Variants in PKHD1 observed in about 807,000 individuals in gnomAD.
PKHD1 encodes fibrocystin.
In PKHD1, 291 loss-of-function variants were observed where a neutral mutation model predicts 412.0. The ratio of observed to expected loss-of-function variants is 0.71; its 90% confidence interval spans 0.64 to 0.78. The LOEUF is 0.78. Among genes scored for constraint, PKHD1 ranks in the 30% least tolerant of loss-of-function variants. The probability of loss-of-function intolerance (pLI) is 0.00; values close to 1 mark genes in which losing one functional copy is unlikely to be tolerated. For missense variants in PKHD1, 4,825 were observed against 4,950.7 expected (o/e 0.97, Z 0.76); for synonymous variants, 1,777 against 1,821.5 (o/e 0.98, Z 0.62).
intron 43 of PKHD1, among the ~76,000 whole-genome samples, chr6:51,895,691 G>A (rs558804515): frequency 2.6e-3 from 400 of 152,178 alleles, no homozygotes; most frequent in Non-Finnish European, 4.7e-3. Context: ...GAACAGCTCC[G>A]GTCTACAGCT....
At chr6:52,032,878 T>C (rs569963080) in intron 29 of PKHD1, 152 bp downstream of exon 29, 3 of 710,484 alleles carry the variant, frequency 4.2e-6, no homozygotes, top group Admixed American at 4.1e-5. Context: ...AGGAGATTGA[T>C]TCGATGATGG....
chr6:52,052,181 A>G (rs1806960229), intron 21 of PKHD1, among the ~76,000 whole-genome samples: 1 of 152,246 alleles, frequency 6.6e-6, no homozygotes, highest in South Asian at 2.1e-4. Flanking sequence ...AACTATAAAA[A>G]GTAGGCTAGC....
chr6:51,632,650 G>A lies in PKHD1; in HGVS notation c.11580C>T (p.Ile3860=), dbSNP rs1198972125. 2 of 1,613,444 alleles carry A rather than the reference G, an allele frequency of 1.2e-6. No individual in the cohort carries two copies. The highest frequency in any genetic ancestry group is 2.2e-5 in the South Asian group (2 of 91,066). Residue 3860 remains isoleucine (I), a synonymous_variant, in exon 65 of 67, where the codon ATC becomes ATT. Transcript: ENST00000371117. ...CCACAGAGGACAGGGAAGCAGCCAG[G>A]ATGATGGTCGACTTCTCCTTCCTAG... ...PVTRKEKSTI[I]LAASLSSVAS...
intron 51 of PKHD1, among the ~76,000 whole-genome samples, chr6:51,831,480 A>G (rs1337809398): frequency 1.3e-5 from 2 of 152,196 alleles, no homozygotes; most frequent in Non-Finnish European, 2.9e-5. Context: ...ACATAATTTT[A>G]GTGGCTACAT....
intron 60 of PKHD1, among the ~76,000 whole-genome samples, chr6:51,666,748 T>C (rs1217278533): frequency 2.1e-5 from 3 of 141,312 alleles, no homozygotes; most frequent in Admixed American, 7.8e-5. Flanking sequence ...CCTGTGTCCA[T>C]GTGTTCTCAT....
intron 61 of PKHD1, among the ~76,000 whole-genome samples, chr6:51,650,116 T>C (rs1181885310): frequency 6.6e-6 from 1 of 152,180 alleles, no homozygotes; most frequent in East Asian, 1.9e-4. Flanking sequence ...ATGACCTATA[T>C]TACTTCTTAG....
At chr6:51,991,643 G>A (rs1158750718) in intron 35 of PKHD1, among the ~76,000 whole-genome samples, 1 of 152,106 alleles carries the variant, frequency 6.6e-6, no homozygotes, top group Non-Finnish European at 1.5e-5. Flanking sequence ...CCTTAAATAG[G>A]CTAATTGTGA....
intron 35 of PKHD1, among the ~76,000 whole-genome samples, chr6:52,000,752 T>C (rs1321337829): frequency 6.6e-6 from 1 of 152,162 alleles, no homozygotes; most frequent in African/African-American, 2.4e-5. Context: ...TTTAAACACA[T>C]TGTAAAGAAA....
intron 50 of PKHD1, among the ~76,000 whole-genome samples, chr6:51,842,867 G>A (rs769369016): frequency 2.6e-5 from 4 of 152,168 alleles, no homozygotes; most frequent in Non-Finnish European, 5.9e-5. Context: ...CAAGAGGTGG[G>A]GGAAACCCAC....
Position 51,833,668 on chromosome 6 carries a change from CT to C in PKHD1, c.8174-2680del, listed in dbSNP as rs373020003. Among the ~76,000 whole-genome samples the C allele has an allele frequency of 9.7e-4, 147 of 152,204 alleles. 3 individuals carry two copies. The highest frequency in any genetic ancestry group is 3.1e-3 in the African/African-American group (130 of 41,546). ...TGGTAAGAGAGAGAATTAGAAGTCA[CT>C]GTTAAACTTAGCAATCAAGGCATGG... On this transcript the variant is annotated intron_variant, in intron 51 of 66. Transcript: ENST00000371117.
rs1028714707 is a variant in PKHD1, at chr6:51,878,886, T to A, written c.7350+4207A>T. Among the ~76,000 whole-genome samples, 2 of 63,656 alleles carry A rather than the reference T, an allele frequency of 3.1e-5. 1 individual carries two copies. The highest frequency in any genetic ancestry group is 1.7e-4 in the African/African-American group (2 of 12,044). 41.8% of individuals were successfully genotyped at this position (63,656 alleles called of 152,430 possible). A position where few individuals can be genotyped will look rare whatever the true frequency, so the allele number is the denominator to read the frequency against. ...AACCCCATCGTCTCAGCCCAAAATC[T>A]CCTTAAGCTGATAAGCAACTTCAGC... is the stretch of plus-strand genomic sequence containing the variant. On this transcript the variant is annotated intron_variant, in intron 46 of 66. Transcript: ENST00000371117.
Position 52,073,598 on chromosome 6 carries a change from T to TA in PKHD1, c.449-58dup, listed in dbSNP as rs543606314. On this transcript the variant is annotated intron_variant, in intron 6 of 66. Transcript: ENST00000371117. ...GACTTAGCTCAAACTCAATGTATAA[T>TA]AAAAAACCATGTTTCTTTTTGGTTG... The TA allele has an allele frequency of 7.5e-4, 747 of 1,002,138 alleles. 6 individuals carry two copies. In the African/African-American group the frequency reaches 9.9e-3, roughly 13 times the overall value. The allele number at this position is 1,002,138 out of a possible 1,614,324, so 62.1% of individuals were successfully genotyped here.
At chr6:51,883,031 G>C (rs1450592858) in intron 46 of PKHD1, 62 bp downstream of exon 46, 3 of 1,291,060 alleles carry the variant, frequency 2.3e-6, no homozygotes, top group Non-Finnish European at 3.4e-6. Context: ...ATCATCAGGG[G>C]GCCCAGCACA....
chr6:52,048,194 CT>C (rs763174148), intron 23 of PKHD1, among the ~76,000 whole-genome samples: 1 of 152,164 alleles, frequency 6.6e-6, no homozygotes, highest in Non-Finnish European at 1.5e-5. Context: ...TCATTTTTTG[CT>C]GTTTGAAGCC....
chr6:51,771,350 G>A (rs184979097), intron 55 of PKHD1, among the ~76,000 whole-genome samples: 1 of 152,134 alleles, frequency 6.6e-6, no homozygotes, highest in Admixed American at 6.5e-5. Flanking sequence ...GGCCAGGCAC[G>A]GTGGCTCATG....
chr6:51,822,594 A>G (rs1412619001), intron 52 of PKHD1, among the ~76,000 whole-genome samples: 1 of 152,172 alleles, frequency 6.6e-6, no homozygotes, highest in Non-Finnish European at 1.5e-5. Context: ...TCCTTAGTCA[A>G]TTCTTCTGAG....
chr6:52,066,084 G>T lies in PKHD1; in HGVS notation c.779-7C>A. 42 of 1,187,992 alleles carry T rather than the reference G, an allele frequency of 3.5e-5. No individual in the cohort carries two copies. The highest frequency in any genetic ancestry group is 4.5e-5 in the Non-Finnish European group (38 of 844,068). The allele number at this position is 1,187,992 out of a possible 1,614,324, so 73.6% of individuals were successfully genotyped here. A position where few individuals can be genotyped will look rare whatever the true frequency, so the allele number is the denominator to read the frequency against. On this transcript the variant is annotated splice_polypyrimidine_tract_variant and splice_region_variant and intron_variant, in intron 11 of 66. Coordinates refer to ENST00000371117, the MANE Select transcript of PKHD1 (RefSeq NM_138694.4). ...GGAAACACAGATAATATTTCTGCAAGAGTTAAAAAAAAAAAAAAGTAAGCT... is the reference window on the plus strand; with the variant it reads ...GGAAACACAGATAATATTTCTGCAATAGTTAAAAAAAAAAAAAAGTAAGCT...
chr6:51,678,788 C>T (rs113029218), intron 60 of PKHD1, among the ~76,000 whole-genome samples: 1 of 151,930 alleles, frequency 6.6e-6, no homozygotes, highest in Non-Finnish European at 1.5e-5. Flanking sequence ...CACCCTACAC[C>T]TTCTCTCTAC....
At chr6:51,706,463 T>C (rs1233738109) in intron 60 of PKHD1, among the ~76,000 whole-genome samples, 4 of 129,348 alleles carry the variant, frequency 3.1e-5, no homozygotes, top group Non-Finnish European at 4.9e-5. Flanking sequence ...ATATATATCA[T>C]CTCTAATTCT....
Sources: allele counts gnomAD v4.1 joint callset (sites outside exome capture counted in the v4.1 genomes callset), GRCh38; gene constraint gnomAD v4.1.1; transcripts MANE v1.5; gene names NCBI Gene and HGNC (gene_info 2026-07-23, HGNC 2026-07-21).